Variants in SGMS1 observed in about 807,000 individuals in gnomAD.
SGMS1 encodes the protein sphingomyelin synthase 1, also known as phosphatidylcholine:ceramide cholinephosphotransferase 1.
A neutral mutation model predicts 46.2 loss-of-function variants in SGMS1; 13 were observed. The observed-to-expected ratio is 0.28, with a 90% CI of 0.18 to 0.45. The LOEUF is 0.45. Among genes scored for constraint, SGMS1 ranks in the 20% least tolerant of loss-of-function variants. SGMS1 has a pLI of 1.00. For synonymous variants in SGMS1, 203 were observed against 187.8 expected (o/e 1.08, Z -0.66); for missense variants, 324 against 519.9 (o/e 0.62, Z 3.66).
intron 6 of SGMS1, among the ~76,000 whole-genome samples, chr10:50,371,501 T>C (rs1848435019): frequency 2.0e-5 from 3 of 152,236 alleles, no homozygotes; most frequent in South Asian, 4.1e-4. Flanking sequence ...TTATTTCATA[T>C]TGTACAAGAC....
chr10:50,418,214 C>T (rs527850805), intron 6 of SGMS1: 5 of 152,272 alleles, frequency 3.3e-5, no homozygotes, highest in African/African-American at 9.6e-5. Context: ...GGGCGCGGCT[C>T]TTGCTGGGCG....
At chr10:50,418,142 G>C (rs548681182) in intron 6 of SGMS1, 1 of 152,276 alleles carries the variant, frequency 6.6e-6, no homozygotes, top group South Asian at 2.1e-4. Flanking sequence ...CGCGCTCAGG[G>C]TGCGCGCAGC....
intron 3 of SGMS1, among the ~76,000 whole-genome samples, chr10:50,512,864 C>T (rs1203918676): frequency 5.3e-5 from 8 of 152,162 alleles, no homozygotes; most frequent in East Asian, 1.9e-4. Context: ...TTGCAGTACC[C>T]GGGGTAACAC....
At chr10:50,376,507 C>A (rs192886105) in intron 6 of SGMS1, among the ~76,000 whole-genome samples, 19 of 152,224 alleles carry the variant, frequency 1.2e-4, no homozygotes, top group African/African-American at 4.3e-4. Flanking sequence ...TATGTATACA[C>A]GTGCCATGTT....
chr10:50,479,535 C>T lies in SGMS1; in HGVS notation c.-497-12603G>A, dbSNP rs372331967. ...TTCTGAGCTAAATTTTTTATATTCTCCTTTAGTAAGTGAAAATCTTTCTGA... is the reference window on the plus strand; with the variant it reads ...TTCTGAGCTAAATTTTTTATATTCTTCTTTAGTAAGTGAAAATCTTTCTGA... On this transcript the variant is annotated intron_variant, in intron 3 of 10. Transcript: ENST00000361781. Among the ~76,000 whole-genome samples the T allele has an allele frequency of 3.4e-4, 51 of 152,222 alleles. No individual in the cohort carries two copies. In the East Asian group the frequency reaches 4.2e-3, roughly 13 times the overall value.
chr10:50,414,059 A>G (rs1849135462), intron 6 of SGMS1, among the ~76,000 whole-genome samples: 1 of 152,182 alleles, frequency 6.6e-6, no homozygotes, highest in South Asian at 2.1e-4. Context: ...GAAGACGCCT[A>G]TTGTTTTTGG....
intron 6 of SGMS1, among the ~76,000 whole-genome samples, chr10:50,419,077 A>T (rs1334681893): frequency 3.3e-5 from 5 of 152,220 alleles, no homozygotes; most frequent in African/African-American, 1.2e-4. Flanking sequence ...AAACTTCACC[A>T]TAGGTATGTA....
chr10:50,343,409 T>A, intron 7 of SGMS1, 83 bp downstream of exon 7: 1 of 1,409,948 alleles, frequency 7.1e-7, no homozygotes, highest in Non-Finnish European at 9.4e-7. Flanking sequence ...AACAAGTTGA[T>A]AAATTTCATT....
At chr10:50,568,855 A>G (rs565795938) in intron 2 of SGMS1, among the ~76,000 whole-genome samples, 9 of 152,248 alleles carry the variant, frequency 5.9e-5, no homozygotes, top group African/African-American at 2.2e-4. Context: ...CATAGTAAAG[A>G]GTGTGCAGCC....
intron 7 of SGMS1, among the ~76,000 whole-genome samples, chr10:50,333,313 A>C (rs1397156761): frequency 8.5e-5 from 13 of 152,148 alleles, no homozygotes; most frequent in African/African-American, 1.2e-4. Flanking sequence ...TTTAATTCTT[A>C]TTCTCTCTGA....
At chr10:50,526,939 C>A (rs1373932238) in intron 2 of SGMS1, among the ~76,000 whole-genome samples, 1 of 151,824 alleles carries the variant, frequency 6.6e-6, no homozygotes. Flanking sequence ...GTGGCATGTG[C>A]CTGTAGTCCC....
At chr10:50,446,562 G>T (rs1477163073) in intron 5 of SGMS1, among the ~76,000 whole-genome samples, 1 of 152,162 alleles carries the variant, frequency 6.6e-6, no homozygotes, top group African/African-American at 2.4e-5. Context: ...ATAACTTCAT[G>T]CAATAGAATA....
intron 2 of SGMS1, among the ~76,000 whole-genome samples, chr10:50,540,141 T>C (rs775721909): frequency 7.9e-5 from 12 of 152,230 alleles, no homozygotes; most frequent in Middle Eastern, 3.2e-3. Flanking sequence ...GAAAAGTTTA[T>C]GCAACATGTT....
At chr10:50,484,746 C>G (rs1452974679) in intron 3 of SGMS1, among the ~76,000 whole-genome samples, 1 of 152,116 alleles carries the variant, frequency 6.6e-6, no homozygotes, top group Non-Finnish European at 1.5e-5. Flanking sequence ...TCAACATATA[C>G]AAATCAATAA....
intron 6 of SGMS1, among the ~76,000 whole-genome samples, chr10:50,351,919 C>T (rs1848025283): frequency 6.6e-6 from 1 of 152,030 alleles, no homozygotes; most frequent in Non-Finnish European, 1.5e-5. Context: ...TTGTAACAAC[C>T]TACACTTCTT....
chr10:50,548,246 T>C (rs559406399), intron 2 of SGMS1, among the ~76,000 whole-genome samples: 1 of 152,292 alleles, frequency 6.6e-6, no homozygotes, highest in Admixed American at 6.5e-5. Context: ...TGAGCCCAAA[T>C]AGCCAAGGCA....
At chr10:50,506,351 A>G (rs1837706673) in intron 3 of SGMS1, among the ~76,000 whole-genome samples, 1 of 152,210 alleles carries the variant, frequency 6.6e-6, no homozygotes, top group Admixed American at 6.5e-5. Context: ...AGCCGAGTTC[A>G]ATAAATATTG....
chr10:50,341,315 G>C, intron 7 of SGMS1: 1 of 455,954 alleles, frequency 2.2e-6, no homozygotes, highest in South Asian at 1.5e-5. Flanking sequence ...TGGTGGGCCA[G>C]ATACACTGAA....
intron 8 of SGMS1, among the ~76,000 whole-genome samples, chr10:50,324,633 G>A (rs559239710): frequency 6.6e-6 from 1 of 152,320 alleles, no homozygotes; most frequent in Admixed American, 6.5e-5. Context: ...AGCCTTCGAA[G>A]CCTTTCCCAA....
Sources: gnomAD v4.1 joint callset for allele counts (sites outside exome capture counted in the v4.1 genomes callset) on GRCh38, gnomAD v4.1.1 for gene constraint, MANE v1.5 for transcripts, NCBI Gene and HGNC (gene_info 2026-07-23, HGNC 2026-07-21) for gene names.